The following NAALADL2 variants were observed in gnomAD, a reference collection of about 807,000 sequenced individuals.
The protein encoded by NAALADL2 is N-acetylated alpha-linked acidic dipeptidase like 2, also known as inactive N-acetylated-alpha-linked acidic dipeptidase-like protein 2.
A neutral mutation model predicts 87.2 loss-of-function variants in NAALADL2; 76 were observed. The ratio of observed to expected loss-of-function variants is 0.87; its 90% CI spans 0.72 to 1.05. The LOEUF (loss-of-function observed/expected upper bound fraction) is 1.05, where lower values mean the gene tolerates loss of function less well. NAALADL2 is among the 50% of genes least tolerant of loss of function. NAALADL2 has a pLI of 0.00. For missense variants in NAALADL2, 1,089 were observed against 945.8 expected, an observed-to-expected ratio of 1.15 and a Z score of -1.99; for synonymous variants, 354 against 331.0, an observed-to-expected ratio of 1.07 and a Z score of -0.75.
chr3:175,107,842 T>C (rs536837949), intron 2 of NAALADL2, among the ~76,000 whole-genome samples: 2 of 151,966 alleles, frequency 1.3e-5, no homozygotes, highest in Admixed American at 6.6e-5. Context: ...TTCAAATATA[T>C]TACTAAAAAT....
intron 2 of NAALADL2, among the ~76,000 whole-genome samples, chr3:174,697,481 A>G (rs1446185648): frequency 6.6e-6 from 1 of 152,030 alleles, no homozygotes; most frequent in East Asian, 1.9e-4. Context: ...TGAAAGGTTG[A>G]AGGATGCTTC....
chr3:175,775,364 T>C (rs1366912305), intron 13 of NAALADL2, among the ~76,000 whole-genome samples: 3 of 152,114 alleles, frequency 2.0e-5, no homozygotes, highest in Non-Finnish European at 4.4e-5. Flanking sequence ...AATAATATTA[T>C]TTTCAGATGA....
intron 2 of NAALADL2, among the ~76,000 whole-genome samples, chr3:175,178,595 A>C (rs1736018465): frequency 6.6e-6 from 1 of 152,032 alleles, no homozygotes; most frequent in Non-Finnish European, 1.5e-5. Flanking sequence ...TAAATCAGTG[A>C]TCCTTAAACT....
At chr3:175,613,488 A>G (rs1724935690) in intron 10 of NAALADL2, among the ~76,000 whole-genome samples, 1 of 152,250 alleles carries the variant, frequency 6.6e-6, no homozygotes, top group Non-Finnish European at 1.5e-5. Context: ...AAATGAACAT[A>G]CATTTTATTT....
intron 1 of NAALADL2, among the ~76,000 whole-genome samples, chr3:174,860,396 TTAATTTCAAAAGTCATGTAA>T (rs1406516096): frequency 3.9e-4 from 60 of 152,180 alleles, no homozygotes; most frequent in African/African-American, 1.4e-3. Context: ...ATTTAAAAGA[TTAATTTCAAAAGTCATGTAA>T]TAAATTCTAT....
chr3:175,561,836 G>A (rs1691079155), intron 9 of NAALADL2, among the ~76,000 whole-genome samples: 1 of 152,168 alleles, frequency 6.6e-6, no homozygotes, highest in African/African-American at 2.4e-5. Flanking sequence ...AGCACTTTAA[G>A]TGAAATCACA....
At chr3:175,175,679 T>C (rs533332713) in intron 2 of NAALADL2, among the ~76,000 whole-genome samples, 97 of 152,256 alleles carry the variant, frequency 6.4e-4, no homozygotes, top group African/African-American at 2.2e-3. Context: ...GGCATTTGTC[T>C]ATCAACTTCA....
At chr3:175,608,012 T>C (rs924072807) in intron 10 of NAALADL2, among the ~76,000 whole-genome samples, 3 of 151,644 alleles carry the variant, frequency 2.0e-5, no homozygotes. Flanking sequence ...TGCTAAGGAT[T>C]TTTGCCCGAG....
At chr3:175,731,433 A>G (rs533405901) in intron 11 of NAALADL2, among the ~76,000 whole-genome samples, 2 of 152,314 alleles carry the variant, frequency 1.3e-5, no homozygotes, top group African/African-American at 2.4e-5. Context: ...GACATAGAAT[A>G]TTAATTCCCC....
At chr3:174,690,662 T>C (rs1728491385) in intron 2 of NAALADL2, among the ~76,000 whole-genome samples, 1 of 152,154 alleles carries the variant, frequency 6.6e-6, no homozygotes, top group South Asian at 2.1e-4. Flanking sequence ...GACAAAGAAT[T>C]GAATGATGCC....
At chr3:175,580,498 C>G (rs1415000265) in intron 10 of NAALADL2, among the ~76,000 whole-genome samples, 1 of 152,054 alleles carries the variant, frequency 6.6e-6, no homozygotes, top group Non-Finnish European at 1.5e-5. Flanking sequence ...GTTAGGTAAA[C>G]AGAAATAGTT....
At chr3:175,151,243 A>C (rs1311236294) in intron 2 of NAALADL2, among the ~76,000 whole-genome samples, 4 of 152,158 alleles carry the variant, frequency 2.6e-5, no homozygotes, top group Admixed American at 6.6e-5. Flanking sequence ...CTGGGCAGGC[A>C]GGCACCTTGG....
chr3:175,697,400 G>GACAC (rs57471272), intron 11 of NAALADL2, among the ~76,000 whole-genome samples: 3,462 of 145,308 alleles, frequency 0.024, 103 homozygotes, highest in African/African-American at 0.069. Flanking sequence ...GCTGCACACA[G>GACAC]ACACACACAC....
chr3:175,012,266 G>A (rs1651845785), intron 1 of NAALADL2, among the ~76,000 whole-genome samples: 1 of 152,158 alleles, frequency 6.6e-6, no homozygotes, highest in South Asian at 2.1e-4. Flanking sequence ...CCGGGTTCAA[G>A]GGATTCTCCT....
chr3:175,156,325 T>C (rs1387614469), intron 2 of NAALADL2, among the ~76,000 whole-genome samples: 1 of 151,890 alleles, frequency 6.6e-6, no homozygotes, highest in Non-Finnish European at 1.5e-5. Flanking sequence ...TTTAGATAAA[T>C]AGCTCTACTA....
Position 174,867,972 on chromosome 3 carries a change from C to T in NAALADL2, c.43+8522C>T, listed in dbSNP as rs56663777. Among the ~76,000 whole-genome samples, 1,419 of 152,062 alleles carry T rather than the reference C, an allele frequency of 9.3e-3. 27 individuals are homozygous for T. The highest frequency in any genetic ancestry group is 0.033 in the African/African-American group (1,363 of 41,524). ...AGTCTAAGAATGAAAAGGCAAATAA[C>T]AAATGAAACTTAGAGCAGCAGAATG... On this transcript the variant is annotated intron_variant, in intron 1 of 13. Transcript: ENST00000454872.
At chr3:175,128,445 T>G (rs1358628055) in intron 2 of NAALADL2, among the ~76,000 whole-genome samples, 1 of 137,426 alleles carries the variant, frequency 7.3e-6, no homozygotes, top group East Asian at 2.2e-4. Flanking sequence ...TAGTATCATT[T>G]CTTCAATTTA....
At chr3:175,210,999 C>T (rs910817391) in intron 2 of NAALADL2, among the ~76,000 whole-genome samples, 3 of 151,482 alleles carry the variant, frequency 2.0e-5, no homozygotes, top group African/African-American at 7.3e-5. Flanking sequence ...AAATTTTATT[C>T]ACAGGAAATT....
chr3:175,589,774 A>G (rs538436399), intron 10 of NAALADL2, among the ~76,000 whole-genome samples: 235 of 146,400 alleles, frequency 1.6e-3, no homozygotes, highest in African/African-American at 5.6e-3. Context: ...CAAAGTAAAT[A>G]TTTAAGCCCC....
Sources: gnomAD v4.1 joint callset for allele counts (sites outside exome capture counted in the v4.1 genomes callset) on GRCh38, gnomAD v4.1.1 for gene constraint, MANE v1.5 for transcripts, NCBI Gene and HGNC (gene_info 2026-07-23, HGNC 2026-07-21) for gene names.